The following TSNAX variants were observed in gnomAD, a reference collection of about 807,000 sequenced individuals.
The protein encoded by TSNAX is translin-associated protein X.
In TSNAX, 12 loss-of-function variants were observed where a neutral mutation model predicts 33.0. The observed-to-expected ratio is 0.36, with a 90% CI of 0.23 to 0.59. TSNAX has a LOEUF of 0.59. Ranked by LOEUF, TSNAX falls within the 20% of genes least tolerant of loss-of-function variation. The probability of loss-of-function intolerance (pLI) is 0.74; values close to 1 mark genes in which losing one functional copy is unlikely to be tolerated. For synonymous variants in TSNAX, 110 were observed against 117.2 expected, an observed-to-expected ratio of 0.94 and a Z score of 0.40; for missense variants, 267 against 341.3, an observed-to-expected ratio of 0.78 and a Z score of 1.72.
chr1:231,560,406 T>TC (rs869062590), intron 4 of TSNAX, among the ~76,000 whole-genome samples: 4,308 of 31,770 alleles, frequency 0.14, 366 homozygotes, highest in Non-Finnish European at 0.16. Flanking sequence ...TTTTCTTTTC[T>TC]CCCCCCCCCC....
chr1:231,559,232 T>A (rs1225883101), intron 4 of TSNAX, among the ~76,000 whole-genome samples: 1 of 152,188 alleles, frequency 6.6e-6, no homozygotes, highest in African/African-American at 2.4e-5. Flanking sequence ...AAACTAACAA[T>A]AATAATTAAG....
chr1:231,532,037 A>C (rs1658755443), intron 2 of TSNAX, among the ~76,000 whole-genome samples: 1 of 150,772 alleles, frequency 6.6e-6, no homozygotes. Flanking sequence ...GGGCCACTGC[A>C]CTCCAGGCTG....
intron 3 of TSNAX, among the ~76,000 whole-genome samples, chr1:231,537,733 CCT>C (rs777738625): frequency 1.4e-5 from 2 of 146,806 alleles, no homozygotes; most frequent in Non-Finnish European, 3.0e-5. Context: ...TAAGCCAGAC[CCT>C]GTCTCAAAAA....
At chr1:231,543,437 G>A (rs1243277604) in intron 4 of TSNAX, among the ~76,000 whole-genome samples, 2 of 151,964 alleles carry the variant, frequency 1.3e-5, no homozygotes, top group African/African-American at 4.8e-5. Flanking sequence ...CCAGGAACCT[G>A]AAATGCTCCA....
chr1:231,562,767 A>C (rs1661196378), intron 5 of TSNAX, among the ~76,000 whole-genome samples: 1 of 152,198 alleles, frequency 6.6e-6, no homozygotes, highest in African/African-American at 2.4e-5. Context: ...TGGTGCTGAA[A>C]TTTCTGGGAA....
intron 2 of TSNAX, among the ~76,000 whole-genome samples, chr1:231,531,301 C>G (rs200906014): frequency 3.4e-4 from 51 of 152,090 alleles, no homozygotes; most frequent in Non-Finnish European, 5.3e-4. Context: ...TAGCCTCTTT[C>G]CTGTGAATGC....
At chr1:231,563,846 C>T (rs943860002) in intron 5 of TSNAX, among the ~76,000 whole-genome samples, 3 of 151,978 alleles carry the variant, frequency 2.0e-5, no homozygotes, top group African/African-American at 4.8e-5. Flanking sequence ...GAAAGAGAAC[C>T]ATCTAATGAT....
At position 231,565,127 on chromosome 1, in the gene TSNAX, C is replaced by T. The variant is rs1661342757; in HGVS notation, c.*222C>T. The T allele has an allele frequency of 2.0e-6, 1 of 502,302 alleles. No homozygotes were observed. Among genetic ancestry groups the T allele is most frequent in the Non-Finnish European group, 3.3e-6 (1 of 299,446 alleles). 31.1% of individuals were successfully genotyped at this position (502,302 alleles called of 1,614,324 possible). ...TGCATACAGATGTTTGCATATATGC[C>T]TTTTTGAATTTTTGCTGGTTAACCT... On this transcript the variant is annotated 3_prime_UTR_variant, in exon 6 of 6. Coordinates refer to ENST00000366639, the MANE Select transcript of TSNAX (RefSeq NM_005999.3).
chr1:231,544,935 CTT>C (rs35000242), intron 4 of TSNAX, among the ~76,000 whole-genome samples: 32,585 of 152,078 alleles, frequency 0.21, 3,740 homozygotes, highest in Admixed American at 0.29. Context: ...ACAGTGGTCT[CTT>C]TTAGGCCTTC....
rs1028809378 is a variant in TSNAX at position 231,534,904 on chromosome 1, A to G, written c.122-2309A>G. The G allele has an allele frequency of 2.6e-5, 4 of 152,240 alleles. No individual in the cohort carries two copies. In the East Asian group the frequency reaches 7.7e-4, roughly 29 times the overall value. 9.4% of individuals were successfully genotyped at this position (152,240 alleles called of 1,614,324 possible). A position where few individuals can be genotyped will look rare whatever the true frequency, so the allele number is the denominator to read the frequency against. ...ATTTTAGCTAGCGAAGGATAAATGTAAATCAGTGAAGCGTGGTAAGGAATG... is the reference window on the plus strand; with the variant it reads ...ATTTTAGCTAGCGAAGGATAAATGTGAATCAGTGAAGCGTGGTAAGGAATG... On this transcript the variant is annotated intron_variant, in intron 2 of 5. Coordinates refer to ENST00000366639, the MANE Select transcript of TSNAX (RefSeq NM_005999.3).
rs1163762225 is a variant in TSNAX, at chr1:231,566,334, A to C, written c.*1429A>C. The C allele has an allele frequency of 6.6e-6, 1 of 152,544 alleles. No homozygotes were observed. Among genetic ancestry groups the C allele is most frequent in the Non-Finnish European group, 1.5e-5 (1 of 68,008 alleles). 9.4% of individuals were successfully genotyped at this position (152,544 alleles called of 1,614,324 possible). A position where few individuals can be genotyped will look rare whatever the true frequency, so the allele number is the denominator to read the frequency against. On this transcript the variant is annotated 3_prime_UTR_variant, in exon 6 of 6. Transcript: ENST00000366639. ...TTGCCTACTGAAATAGTTATAGATGATTACTTGTGATGTGAAACTGAATTG... is the reference window on the plus strand; with the variant it reads ...TTGCCTACTGAAATAGTTATAGATGCTTACTTGTGATGTGAAACTGAATTG...
intron 4 of TSNAX, among the ~76,000 whole-genome samples, chr1:231,552,068 G>T (rs1338347468): frequency 6.6e-6 from 1 of 152,140 alleles, no homozygotes; most frequent in Non-Finnish European, 1.5e-5. Flanking sequence ...GGCCAAGGTG[G>T]GCGAATCACC....
chr1:231,555,065 C>T (rs2124932093), intron 4 of TSNAX, among the ~76,000 whole-genome samples: 1 of 152,178 alleles, frequency 6.6e-6, no homozygotes, highest in African/African-American at 2.4e-5. Context: ...CTGGGTGATA[C>T]CCCTAAATAA....
chr1:231,543,977 G>T (rs1025223757), intron 4 of TSNAX, among the ~76,000 whole-genome samples: 1 of 152,122 alleles, frequency 6.6e-6, no homozygotes, highest in Non-Finnish European at 1.5e-5. Context: ...TGGGAAGAAG[G>T]GTGAAGTAAA....
Position 231,550,296 on chromosome 1 carries a change from G to A in TSNAX, c.367+7685G>A, listed in dbSNP as rs188267863. Among the ~76,000 whole-genome samples the A allele has an allele frequency of 5.0e-3, 762 of 152,258 alleles. 9 individuals are homozygous for A. The highest frequency in any genetic ancestry group is 0.017 in the African/African-American group (723 of 41,546). On this transcript the variant is annotated intron_variant, in intron 4 of 5. Coordinates refer to ENST00000366639, the MANE Select transcript of TSNAX (RefSeq NM_005999.3). ...GAGCTACAAATGTTACTTTGGAGTGGAGGGACTGGGGAGTTGCTTTTAAGT... is the reference window on the plus strand; with the variant it reads ...GAGCTACAAATGTTACTTTGGAGTGAAGGGACTGGGGAGTTGCTTTTAAGT...
intron 3 of TSNAX, among the ~76,000 whole-genome samples, chr1:231,538,206 T>C (rs1292291924): frequency 6.6e-6 from 1 of 152,214 alleles, no homozygotes; most frequent in Non-Finnish European, 1.5e-5. Context: ...CTTTGTATAT[T>C]TGATAGACTT....
Position 231,564,960 on chromosome 1 carries a change from G to A in TSNAX, c.*55G>A, listed in dbSNP as rs763559531. 1 of 1,547,454 alleles carries A rather than the reference G, an allele frequency of 6.5e-7. No homozygotes were observed. The highest frequency in any genetic ancestry group is 8.7e-7 in the Non-Finnish European group (1 of 1,147,896). ...TTGAGAACTCCTAAGAGACCAATTT[G>A]TAAGACTTATTTAGTATTTCATTTA... On this transcript the variant is annotated 3_prime_UTR_variant, in exon 6 of 6. Coordinates refer to ENST00000366639, the MANE Select transcript of TSNAX (RefSeq NM_005999.3).
At chr1:231,536,220 TTGTC>T (rs1272954121) in intron 2 of TSNAX, 5 of 152,264 alleles carry the variant, frequency 3.3e-5, no homozygotes, top group African/African-American at 1.2e-4. Context: ...CATGTAGTGA[TTGTC>T]TATTTTCAGT....
rs918652893 is a variant in TSNAX, at chr1:231,564,625, TGATGCG to T, written c.598_603del (p.Arg200_Met201del). 9.3e-6 allele frequency: 15 copies of T among 1,614,006 alleles called. No individual in the cohort carries two copies. The Admixed American group carries it at 2.0e-4, about 22-fold the overall frequency. ...GGAGTGGCTGACTTAACTGGAGAAT[TGATGCG>T]GATGTGTATTAACAGTGTGGGGAAT... On this transcript the variant is annotated inframe_deletion, in exon 6 of 6. Transcript: ENST00000366639.
Sources: gnomAD v4.1 joint callset for allele counts (sites outside exome capture counted in the v4.1 genomes callset) on GRCh38, gnomAD v4.1.1 for gene constraint, MANE v1.5 for transcripts, NCBI Gene and HGNC (gene_info 2026-07-23, HGNC 2026-07-21) for gene names.